The following RAB3C variants were observed in gnomAD, a reference collection of about 807,000 sequenced individuals.
RAB3C encodes the protein ras-related protein Rab-3C.
In RAB3C, 17 loss-of-function variants were observed where a neutral mutation model predicts 26.4. The observed-to-expected ratio is 0.64, with a 90% CI of 0.44 to 0.97. The LOEUF (loss-of-function observed/expected upper bound fraction) is 0.97. Among genes scored for constraint, RAB3C ranks in the 50% least tolerant of loss-of-function variants. The pLI is 0.00. For synonymous variants in RAB3C, 91 were observed against 95.9 expected (o/e 0.95, Z 0.30); for missense variants, 242 against 281.9 (o/e 0.86, Z 1.01).
At chr5:58,756,087 C>A (rs914588663) in intron 3 of RAB3C, among the ~76,000 whole-genome samples, 1 of 151,324 alleles carries the variant, frequency 6.6e-6, no homozygotes, top group African/African-American at 2.4e-5. Context: ...ACACCCTTTT[C>A]CCAGAAAGAC....
intron 3 of RAB3C, among the ~76,000 whole-genome samples, chr5:58,768,596 C>T (rs1279791191): frequency 6.6e-6 from 1 of 151,950 alleles, no homozygotes; most frequent in Non-Finnish European, 1.5e-5. Context: ...GACACTTGAG[C>T]AGAGACCTGA....
chr5:58,625,259 A>G (rs1460016510), intron 2 of RAB3C, among the ~76,000 whole-genome samples: 1 of 152,162 alleles, frequency 6.6e-6, no homozygotes, highest in Non-Finnish European at 1.5e-5. Flanking sequence ...TGTTGGTATT[A>G]ATATTGCTCT....
intron 1 of RAB3C, among the ~76,000 whole-genome samples, chr5:58,599,123 T>C (rs1344685230): frequency 6.6e-6 from 1 of 152,150 alleles, no homozygotes; most frequent in Non-Finnish European, 1.5e-5. Context: ...GATTCCTTCT[T>C]TGGCAGCCTG....
intron 1 of RAB3C, among the ~76,000 whole-genome samples, chr5:58,592,248 T>C (rs1167311275): frequency 6.6e-6 from 1 of 152,144 alleles, no homozygotes; most frequent in Non-Finnish European, 1.5e-5. Flanking sequence ...TTGGTGTTTA[T>C]CCTACGGATT....
intron 2 of RAB3C, among the ~76,000 whole-genome samples, chr5:58,692,177 T>C (rs1467279886): frequency 6.6e-6 from 1 of 152,174 alleles, no homozygotes; most frequent in African/African-American, 2.4e-5. Context: ...TTTAAATAGA[T>C]CTTAAAATAT....
intron 1 of RAB3C, among the ~76,000 whole-genome samples, chr5:58,610,703 G>T (rs547221753): frequency 6.6e-6 from 1 of 151,612 alleles, no homozygotes; most frequent in Non-Finnish European, 1.5e-5. Context: ...CTTTACCTTA[G>T]CAGGGAATGA....
intron 2 of RAB3C, among the ~76,000 whole-genome samples, chr5:58,724,907 G>C (rs1422011196): frequency 6.6e-6 from 1 of 151,702 alleles, no homozygotes; most frequent in Non-Finnish European, 1.5e-5. Context: ...CTCTTAACAG[G>C]TTGCTGTAAC....
intron 2 of RAB3C, among the ~76,000 whole-genome samples, chr5:58,629,297 C>T (rs1747138740): frequency 6.6e-6 from 1 of 151,934 alleles, no homozygotes; most frequent in South Asian, 2.1e-4. Flanking sequence ...TATAGACGCC[C>T]CTGGGCTATG....
intron 1 of RAB3C, among the ~76,000 whole-genome samples, chr5:58,585,521 A>T (rs1380731350): frequency 6.6e-6 from 1 of 151,936 alleles, no homozygotes; most frequent in Non-Finnish European, 1.5e-5. Flanking sequence ...AAAATAAGAG[A>T]TTTCTTCTCT....
chr5:58,712,777 A>G (rs1256982114), intron 2 of RAB3C, among the ~76,000 whole-genome samples: 1 of 152,172 alleles, frequency 6.6e-6, no homozygotes, highest in East Asian at 1.9e-4. Context: ...CACCCATCTC[A>G]GCCTCCCAAA....
At chr5:58,587,507 C>T (rs1376086035) in intron 1 of RAB3C, among the ~76,000 whole-genome samples, 2 of 152,122 alleles carry the variant, frequency 1.3e-5, no homozygotes, top group Non-Finnish European at 2.9e-5. Flanking sequence ...AAGATTAAAT[C>T]TTTGAGAGTT....
At chr5:58,681,832 C>T (rs1748349655) in intron 2 of RAB3C, among the ~76,000 whole-genome samples, 1 of 152,096 alleles carries the variant, frequency 6.6e-6, no homozygotes, top group Non-Finnish European at 1.5e-5. Context: ...ATTCATCTGA[C>T]CATTCTTTTA....
intron 2 of RAB3C, among the ~76,000 whole-genome samples, chr5:58,646,035 A>G (rs1747509440): frequency 6.6e-6 from 1 of 152,202 alleles, no homozygotes; most frequent in African/African-American, 2.4e-5. Context: ...CCCGCACTGA[A>G]CCTCATTATT....
intron 2 of RAB3C, among the ~76,000 whole-genome samples, chr5:58,722,991 C>T (rs963103348): frequency 1.3e-5 from 2 of 151,662 alleles, no homozygotes; most frequent in African/African-American, 2.4e-5. Flanking sequence ...AATTCATTAA[C>T]CATTTATTTA....
intron 3 of RAB3C, among the ~76,000 whole-genome samples, chr5:58,816,758 A>G (rs1743226639): frequency 6.6e-6 from 1 of 152,222 alleles, no homozygotes; most frequent in African/African-American, 2.4e-5. Context: ...AAAGAAATTT[A>G]AAAGCCCGTA....
In RAB3C at chr5:58,826,970, A is replaced by G. The variant is rs1743495257; in HGVS notation, c.496+1808A>G. Among the ~76,000 whole-genome samples, 3 of 152,182 alleles carry G rather than the reference A, an allele frequency of 2.0e-5. 1 individual carries two copies. The South Asian group carries it at 6.2e-4, about 32-fold the overall frequency. On this transcript the variant is annotated intron_variant, in intron 4 of 4. Transcript: ENST00000282878. ...TAATGAGTTCCTTAGACTAAAATCT[A>G]TCCCTGGATGGCCACAAGAACCCTT...
intron 1 of RAB3C, among the ~76,000 whole-genome samples, chr5:58,592,178 CG>C (rs1290322956): frequency 2.6e-5 from 4 of 152,096 alleles, no homozygotes; most frequent in Non-Finnish European, 1.5e-5. Flanking sequence ...GGATTACAGG[CG>C]TGAGCCACTG....
chr5:58,732,622 T>C (rs1197941586), intron 3 of RAB3C, among the ~76,000 whole-genome samples: 1 of 152,170 alleles, frequency 6.6e-6, no homozygotes, highest in African/African-American at 2.4e-5. Flanking sequence ...ATCCAAGAAC[T>C]GAATGGTAAC....
chr5:58,667,798 G>A (rs1467301387), intron 2 of RAB3C, among the ~76,000 whole-genome samples: 1 of 152,122 alleles, frequency 6.6e-6, no homozygotes, highest in East Asian at 1.9e-4. Flanking sequence ...AAATTTCTGT[G>A]TGTAAGTTTA....
Sources: gnomAD v4.1 joint callset for allele counts (sites outside exome capture counted in the v4.1 genomes callset) on GRCh38, gnomAD v4.1.1 for gene constraint, MANE v1.5 for transcripts, NCBI Gene and HGNC (gene_info 2026-07-23, HGNC 2026-07-21) for gene names.